Variants in ASTN2 observed in about 807,000 individuals in gnomAD.
ASTN2 encodes the protein astrotactin 2.
ASTN2 carries 54 observed loss-of-function variants against 139.8 expected under a neutral mutation model. That is an observed-to-expected ratio of 0.39 (90% CI 0.31 to 0.48). ASTN2 has a LOEUF of 0.48. Among genes scored for constraint, ASTN2 ranks in the 20% least tolerant of loss-of-function variants. ASTN2 has a pLI of 0.95. For synonymous variants in ASTN2, 756 were observed against 719.5 expected, an observed-to-expected ratio of 1.05 and a Z score of -0.81; for missense variants, 1,565 against 1,725.1, an observed-to-expected ratio of 0.91 and a Z score of 1.64.
chr9:116,600,105 T>C (rs1392673107), intron 19 of ASTN2, among the ~76,000 whole-genome samples: 1 of 152,000 alleles, frequency 6.6e-6, no homozygotes, highest in Non-Finnish European at 1.5e-5. Context: ...GGTGGATCAC[T>C]TGAGTCCAGG....
chr9:116,987,028 A>T (rs1836702427), intron 7 of ASTN2, among the ~76,000 whole-genome samples: 1 of 152,188 alleles, frequency 6.6e-6, no homozygotes, highest in South Asian at 2.1e-4. Context: ...AAACTGCCAC[A>T]ACCCCTCTGC....
At chr9:117,204,212 A>G (rs715785) in intron 3 of ASTN2, among the ~76,000 whole-genome samples, 91,574 of 151,978 alleles carry the variant, frequency 0.6, 28,125 homozygotes, top group Middle Eastern at 0.7. Context: ...TGGCTCCACA[A>G]AAATTTTTGT....
chr9:117,149,058 T>C (rs1830267858), intron 3 of ASTN2, among the ~76,000 whole-genome samples: 1 of 152,032 alleles, frequency 6.6e-6, no homozygotes, highest in Non-Finnish European at 1.5e-5. Flanking sequence ...CTCACTCCAT[T>C]GCCCAAGCTG....
chr9:117,260,675 G>T (rs1833800784), intron 2 of ASTN2, among the ~76,000 whole-genome samples: 1 of 152,098 alleles, frequency 6.6e-6, no homozygotes. Context: ...TACTGTGTAG[G>T]GAGTGGTAAG....
At chr9:116,555,782 C>T (rs1180961625) in intron 19 of ASTN2, among the ~76,000 whole-genome samples, 1 of 152,154 alleles carries the variant, frequency 6.6e-6, no homozygotes, top group African/African-American at 2.4e-5. Flanking sequence ...CATCTGACAG[C>T]TGAGTGACAA....
intron 12 of ASTN2, 77 bp from the exon 13 acceptor site, chr9:116,805,897 T>C (rs1349780819): frequency 1.4e-6 from 2 of 1,437,728 alleles, no homozygotes; most frequent in Admixed American, 1.9e-5. Flanking sequence ...AACCAAGGCC[T>C]CCTTTCCCTG....
At chr9:116,952,427 G>A (rs1285398093) in intron 10 of ASTN2, among the ~76,000 whole-genome samples, 2 of 152,106 alleles carry the variant, frequency 1.3e-5, no homozygotes, top group Admixed American at 1.3e-4. Flanking sequence ...TCATTTCCTG[G>A]TGAAGAAGAA....
At chr9:116,453,811 G>A (rs889082692) in intron 20 of ASTN2, among the ~76,000 whole-genome samples, 3 of 152,260 alleles carry the variant, frequency 2.0e-5, no homozygotes, top group South Asian at 4.1e-4. Context: ...CTCCAGTTCA[G>A]CCACAGCATG....
chr9:117,062,825 T>C lies in ASTN2; in HGVS notation c.1277-22860A>G, dbSNP rs569586934. 3.6e-4 allele frequency among the ~76,000 whole-genome samples: 55 copies of C among 152,324 alleles called. 1 individual carries two copies. The highest frequency in any genetic ancestry group is 1.3e-3 in the African/African-American group (54 of 41,574). On this transcript the variant is annotated intron_variant, in intron 5 of 22. Coordinates refer to ENST00000313400, the MANE Select transcript of ASTN2 (RefSeq NM_001365068.1). ...TGAAAGGAATACTGTTCATATTTCT[T>C]ATATATAGCAGGTTAATTAGGCTTG...
intron 19 of ASTN2, among the ~76,000 whole-genome samples, chr9:116,592,159 G>A (rs1045215416): frequency 2.0e-5 from 3 of 152,116 alleles, no homozygotes; most frequent in African/African-American, 7.2e-5. Flanking sequence ...CATTCATGTG[G>A]ATTTAACATA....
intron 13 of ASTN2, among the ~76,000 whole-genome samples, chr9:116,794,578 A>G (rs946153513): frequency 6.6e-6 from 1 of 152,140 alleles, no homozygotes; most frequent in Non-Finnish European, 1.5e-5. Flanking sequence ...CAGCCCTTCA[A>G]TCCTGGCTCC....
intron 22 of ASTN2, among the ~76,000 whole-genome samples, chr9:116,432,820 C>T (rs926413093): frequency 6.6e-6 from 1 of 152,040 alleles, no homozygotes; most frequent in South Asian, 2.1e-4. Flanking sequence ...ATCCCAGGTA[C>T]TTGGGAGGCT....
intron 2 of ASTN2, among the ~76,000 whole-genome samples, chr9:117,224,500 C>T (rs533731726): frequency 2.0e-5 from 3 of 152,290 alleles, no homozygotes; most frequent in African/African-American, 7.2e-5. Context: ...CCATAGGCTC[C>T]AAGCGGTGAT....
At chr9:116,781,215 C>T (rs1830211353) in intron 13 of ASTN2, among the ~76,000 whole-genome samples, 1 of 152,142 alleles carries the variant, frequency 6.6e-6, no homozygotes, top group Non-Finnish European at 1.5e-5. Context: ...GGTCAGCTGA[C>T]TGGAGCTTTC....
At chr9:116,440,047 A>C (rs1206788042) in intron 22 of ASTN2, among the ~76,000 whole-genome samples, 1 of 152,232 alleles carries the variant, frequency 6.6e-6, no homozygotes, top group African/African-American at 2.4e-5. Context: ...GAAGCTTTAG[A>C]AAATAGTGAC....
chr9:116,814,241 C>T (rs988024355), intron 12 of ASTN2, among the ~76,000 whole-genome samples: 1 of 152,032 alleles, frequency 6.6e-6, no homozygotes, highest in Non-Finnish European at 1.5e-5. Flanking sequence ...AGGGCTAGAA[C>T]CAGCACCTAA....
intron 2 of ASTN2, among the ~76,000 whole-genome samples, chr9:117,279,753 A>T (rs1235633475): frequency 6.6e-6 from 1 of 152,242 alleles, no homozygotes; most frequent in African/African-American, 2.4e-5. Flanking sequence ...ATACCAGGAC[A>T]TTAACCATGA....
At chr9:117,255,750 C>T (rs1358970379) in intron 2 of ASTN2, among the ~76,000 whole-genome samples, 1 of 152,134 alleles carries the variant, frequency 6.6e-6, no homozygotes, top group Non-Finnish European at 1.5e-5. Flanking sequence ...AAGAGAATTG[C>T]AATGGCTATT....
intron 1 of ASTN2, among the ~76,000 whole-genome samples, chr9:117,347,196 A>T (rs1236308701): frequency 1.3e-5 from 2 of 152,070 alleles, no homozygotes; most frequent in African/African-American, 4.8e-5. Flanking sequence ...AATCATGAAG[A>T]GGTTGGCGGT....
Sources: gnomAD v4.1 joint callset for allele counts (sites outside exome capture counted in the v4.1 genomes callset) on GRCh38, gnomAD v4.1.1 for gene constraint, MANE v1.5 for transcripts, NCBI Gene and HGNC (gene_info 2026-07-23, HGNC 2026-07-21) for gene names.